Variants in ABI1 observed in about 807,000 individuals in gnomAD.
ABI1 encodes abl interactor 1.
Under a neutral mutation model 54.6 loss-of-function variants are expected in ABI1, and 14 were observed. The ratio of observed to expected loss-of-function variants is 0.26; its 90% CI spans 0.17 to 0.40. ABI1 has a LOEUF of 0.40. Among genes scored for constraint, ABI1 ranks in the 10% least tolerant of loss-of-function variants. The pLI is 1.00. For missense variants in ABI1, 443 were observed against 598.3 expected, an observed-to-expected ratio of 0.74 and a Z score of 2.71; for synonymous variants, 194 against 209.3, an observed-to-expected ratio of 0.93 and a Z score of 0.63.
chr10:26,761,647 T>TAA (rs1839208224), intron 7 of ABI1, among the ~76,000 whole-genome samples: 2 of 120,408 alleles, frequency 1.7e-5, no homozygotes, highest in Admixed American at 1.7e-4. Context: ...TATATATATA[T>TAA]ATATATATAT....
intron 2 of ABI1, among the ~76,000 whole-genome samples, chr10:26,782,721 CAA>C (rs60447736): frequency 5.5e-4 from 62 of 112,480 alleles, no homozygotes; most frequent in Middle Eastern, 4.4e-3. Flanking sequence ...GACTCTGTCT[CAA>C]AAAAAAAAAA....
intron 1 of ABI1, among the ~76,000 whole-genome samples, chr10:26,859,885 GT>G (rs1459769487): frequency 6.6e-6 from 1 of 152,054 alleles, no homozygotes; most frequent in East Asian, 1.9e-4. Context: ...AGGGTAAGCC[GT>G]TTTTCCAAGG....
Position 26,839,665 on chromosome 10 carries a change from AAC to A in ABI1, c.118-16362_118-16361del, listed in dbSNP as rs1564568156. 4 of 608,222 alleles carry A rather than the reference AAC, an allele frequency of 6.6e-6. No individual in the cohort carries two copies. The African/African-American group carries it at 7.2e-5, about 11-fold the overall frequency. 37.7% of individuals were successfully genotyped at this position (608,222 alleles called of 1,614,324 possible). ...GTACTTCTGTTTAAAAAAAAAAAAA[AAC>A]ATGCCAGGCTTGGTGGCTCACACCT... is the stretch of plus-strand genomic sequence containing the variant. On this transcript the variant is annotated intron_variant, in intron 1 of 10. Coordinates refer to ENST00000376140, the MANE Select transcript of ABI1 (RefSeq NM_001012750.3).
chr10:26,765,671 AGGGAGGGAGAGT>A (rs1314543983), intron 6 of ABI1, among the ~76,000 whole-genome samples: 109 of 22,688 alleles, frequency 4.8e-3, no homozygotes, highest in African/African-American at 0.017. Flanking sequence ...AGAGGGAGGG[AGGGAGGGAGAGT>A]GGGAGGGAGA....
rs1564600162 is a variant in ABI1 at position 26,860,198 on chromosome 10, T to TG, written c.117+548dup. On this transcript the variant is annotated intron_variant, in intron 1 of 10. Coordinates refer to ENST00000376140, the MANE Select transcript of ABI1 (RefSeq NM_001012750.3). The surrounding 1 kb of genome is among the most constrained non-coding windows in gnomAD (Gnocchi z 4.1). ...ATAAATAAATAAAAGACACACCCTC[T>TG]GGGGGCTGAAACTGACATAATCGCC... Among the ~76,000 whole-genome samples, 1 of 152,102 alleles carries TG rather than the reference T, an allele frequency of 6.6e-6. No homozygotes were observed. Among genetic ancestry groups the TG allele is most frequent in the Non-Finnish European group, 1.5e-5 (1 of 68,020 alleles).
At chr10:26,803,088 A>C (rs2046665578) in intron 2 of ABI1, among the ~76,000 whole-genome samples, 1 of 152,234 alleles carries the variant, frequency 6.6e-6, no homozygotes, top group South Asian at 2.1e-4. Context: ...ATTAAGACGA[A>C]GCCTAAACAA....
chr10:26,780,923 A>G (rs1195140982), intron 2 of ABI1, among the ~76,000 whole-genome samples: 1 of 152,120 alleles, frequency 6.6e-6, no homozygotes, highest in East Asian at 1.9e-4. Context: ...TCAATGTACT[A>G]CTGTTTGTAG....
chr10:26,759,241 G>C lies in ABI1; in HGVS notation c.821-3C>G. 1 of 1,612,994 alleles carries C rather than the reference G, an allele frequency of 6.2e-7. No individual in the cohort carries two copies. The highest frequency in any genetic ancestry group is 1.1e-5 in the South Asian group (1 of 90,872). On this transcript the variant is annotated splice_polypyrimidine_tract_variant and splice_region_variant and intron_variant, in intron 7 of 10. Coordinates refer to ENST00000376140, the MANE Select transcript of ABI1 (RefSeq NM_001012750.3). ...ACCAGGAGCTGAGCCCGGGGCTGCTGAAAAGCATTAGTCAAAGGCAACCAA... is the reference window on the plus strand; with the variant it reads ...ACCAGGAGCTGAGCCCGGGGCTGCTCAAAAGCATTAGTCAAAGGCAACCAA...
At chr10:26,792,218 T>A (rs1256347744) in intron 2 of ABI1, among the ~76,000 whole-genome samples, 1 of 152,246 alleles carries the variant, frequency 6.6e-6, no homozygotes, top group East Asian at 1.9e-4. Context: ...GATTCAGAGA[T>A]GTCTGATTTA....
intron 3 of ABI1, among the ~76,000 whole-genome samples, chr10:26,771,710 T>C (rs1840716111): frequency 6.6e-6 from 1 of 152,174 alleles, no homozygotes; most frequent in Admixed American, 6.5e-5. Context: ...TGGAAAACTC[T>C]CTCATTCCTA....
chr10:26,746,829 G>A lies in ABI1; in HGVS notation c.*1741C>T. The A allele has an allele frequency of 2.7e-6, 1 of 372,612 alleles. No individual in the cohort carries two copies. Among genetic ancestry groups the A allele is most frequent in the Non-Finnish European group, 5.0e-6 (1 of 198,818 alleles). 23.1% of individuals were successfully genotyped at this position (372,612 alleles called of 1,614,324 possible). On this transcript the variant is annotated 3_prime_UTR_variant, in exon 11 of 11. Transcript: ENST00000376140. ...TGTCTTGATTTACCGTAGGAGTAAA[G>A]GTCAGAAAAATGTGAAGTCTGCATT...
At chr10:26,780,152 C>T (rs981620850) in intron 2 of ABI1, among the ~76,000 whole-genome samples, 1 of 152,164 alleles carries the variant, frequency 6.6e-6, no homozygotes, top group African/African-American at 2.4e-5. Context: ...CCCATTTCCC[C>T]CATCAGAAAG....
intron 9 of ABI1, among the ~76,000 whole-genome samples, chr10:26,753,742 C>G (rs1837922482): frequency 6.6e-6 from 1 of 152,036 alleles, no homozygotes; most frequent in Non-Finnish European, 1.5e-5. Flanking sequence ...ATTTTAACAC[C>G]AATCCTCCTA....
intron 8 of ABI1, among the ~76,000 whole-genome samples, chr10:26,757,627 T>C (rs1034172212): frequency 6.6e-6 from 1 of 152,220 alleles, no homozygotes; most frequent in African/African-American, 2.4e-5. Context: ...TAGTGAAGTT[T>C]AACACTTCTC....
At chr10:26,815,022 A>G (rs769457256) in intron 2 of ABI1, among the ~76,000 whole-genome samples, 2 of 152,162 alleles carry the variant, frequency 1.3e-5, no homozygotes, top group Admixed American at 1.3e-4. Flanking sequence ...GCAGAATTTT[A>G]ACTAAAAACA....
intron 1 of ABI1, among the ~76,000 whole-genome samples, chr10:26,850,818 T>C (rs1422369288): frequency 3.3e-5 from 5 of 152,190 alleles, no homozygotes; most frequent in East Asian, 3.9e-4. Flanking sequence ...AGTAGGTTAT[T>C]AGATATATGA....
chr10:26,853,906 C>T (rs1178901784), intron 1 of ABI1, among the ~76,000 whole-genome samples: 1 of 152,124 alleles, frequency 6.6e-6, no homozygotes, highest in Non-Finnish European at 1.5e-5. Flanking sequence ...TGCACAATAT[C>T]CTAGAGTTTG....
At chr10:26,856,275 GAAAA>G (rs199900095) in intron 1 of ABI1, among the ~76,000 whole-genome samples, 1 of 105,580 alleles carries the variant, frequency 9.5e-6, no homozygotes, top group Non-Finnish European at 2.0e-5. Context: ...TCTGTCTAAA[GAAAA>G]AAAAAAAAAA....
At chr10:26,843,382 A>T (rs1327193530) in intron 1 of ABI1, among the ~76,000 whole-genome samples, 1 of 138,642 alleles carries the variant, frequency 7.2e-6, no homozygotes, top group African/African-American at 2.6e-5. Flanking sequence ...TGAACCTTGG[A>T]GGCGGAGGTT....
Sources: gnomAD v4.1 joint callset for allele counts (sites outside exome capture counted in the v4.1 genomes callset) on GRCh38, gnomAD v4.1.1 for gene constraint, Gnocchi (gnomAD v3.1) non-coding constraint, MANE v1.5 for transcripts, NCBI Gene and HGNC (gene_info 2026-07-23, HGNC 2026-07-21) for gene names.